The following PSMA5 variants were observed in gnomAD, a reference collection of about 807,000 sequenced individuals.
PSMA5 encodes the protein proteasome subunit alpha type-5.
In PSMA5, 3 loss-of-function variants were observed where a neutral mutation model predicts 34.5. The ratio of observed to expected loss-of-function variants is 0.09; its 90% CI spans 0.04 to 0.22. The LOEUF (loss-of-function observed/expected upper bound fraction) is 0.22, where lower values mean the gene tolerates loss of function less well. Ranked by LOEUF, PSMA5 falls within the 10% of genes least tolerant of loss-of-function variation. The pLI is 1.00. For missense variants in PSMA5, 120 were observed against 286.1 expected (o/e 0.42, Z 4.19); for synonymous variants, 88 against 95.8 (o/e 0.92, Z 0.47).
intron 2 of PSMA5, among the ~76,000 whole-genome samples, chr1:109,421,170 G>T (rs1654425985): frequency 6.6e-6 from 1 of 152,188 alleles, no homozygotes; most frequent in Non-Finnish European, 1.5e-5. Context: ...ATGGGTGACA[G>T]AGTGAGACCC....
In PSMA5 at chr1:109,426,368, C is replaced by T; in HGVS notation, c.-38G>A. 1 of 1,612,866 alleles carries T rather than the reference C, an allele frequency of 6.2e-7. No individual in the cohort carries two copies. Among genetic ancestry groups the T allele is most frequent in the Non-Finnish European group, 8.5e-7 (1 of 1,178,994 alleles). ...AGGAGGCAGCGGCTACGCGGGGATT[C>T]TGAGGACCAACACGACTCCACCGGC... On this transcript the variant is annotated 5_prime_UTR_variant, in exon 1 of 9. Coordinates refer to ENST00000271308, the MANE Select transcript of PSMA5 (RefSeq NM_002790.4).
intron 1 of PSMA5, chr1:109,425,740 T>C (rs1654629220): frequency 6.5e-6 from 1 of 152,832 alleles, no homozygotes; most frequent in Non-Finnish European, 1.5e-5. Flanking sequence ...AGAAAAAATT[T>C]TGGTCAATTG....
At chr1:109,423,403 C>T (rs1447809642) in intron 1 of PSMA5, among the ~76,000 whole-genome samples, 3 of 152,242 alleles carry the variant, frequency 2.0e-5, no homozygotes, top group Non-Finnish European at 4.4e-5. Context: ...GGTGCCACTA[C>T]ACTCCAGCCT....
At chr1:109,404,767 C>T (rs1354163356) in intron 8 of PSMA5, among the ~76,000 whole-genome samples, 1 of 152,166 alleles carries the variant, frequency 6.6e-6, no homozygotes, top group African/African-American at 2.4e-5. Context: ...TAATTAATTA[C>T]TAAGCACCTG....
Position 109,420,993 on chromosome 1 carries a change from C to T in PSMA5, c.96+867G>A, listed in dbSNP as rs181891105. Among the ~76,000 whole-genome samples the T allele has an allele frequency of 2.5e-3, 304 of 122,508 alleles. 4 individuals are homozygous for T. Among genetic ancestry groups the T allele is most frequent in the African/African-American group, 9.4e-3 (293 of 31,012 alleles). The allele number at this position is 122,508 out of a possible 152,430, so 80.4% of individuals were successfully genotyped here. ...CCCAGGAGTTTGAGACCAACTTGGG[C>T]AACATAGCAAGACCACATCTCTACC... On this transcript the variant is annotated intron_variant, in intron 2 of 8. Coordinates refer to ENST00000271308, the MANE Select transcript of PSMA5 (RefSeq NM_002790.4).
intron 8 of PSMA5, 136 bp downstream of exon 8, chr1:109,409,792 T>C: frequency 1.6e-6 from 1 of 617,922 alleles, no homozygotes; most frequent in Non-Finnish European, 2.9e-6. Flanking sequence ...TGTGCACCTG[T>C]AGTCCCAGCT....
At chr1:109,406,848 G>A (rs187862387) in intron 8 of PSMA5, among the ~76,000 whole-genome samples, 1 of 152,228 alleles carries the variant, frequency 6.6e-6, no homozygotes, top group East Asian at 1.9e-4. Context: ...AACATCCGCT[G>A]AATTGTAAAC....
At chr1:109,419,882 G>A (rs1654371164) in intron 2 of PSMA5, among the ~76,000 whole-genome samples, 1 of 151,464 alleles carries the variant, frequency 6.6e-6, no homozygotes, top group South Asian at 2.1e-4. Context: ...GCTGAGGCGG[G>A]AGGATCACTT....
At chr1:109,425,994 C>A in intron 1 of PSMA5, 1 of 539,934 alleles carries the variant, frequency 1.9e-6, no homozygotes. Context: ...AAAGAGTGAC[C>A]CTTGGCCTTC....
At chr1:109,419,532 C>T (rs530871435) in intron 2 of PSMA5, among the ~76,000 whole-genome samples, 424 of 152,108 alleles carry the variant, frequency 2.8e-3, no homozygotes, top group African/African-American at 9.7e-3. Flanking sequence ...AGGCCAGGCG[C>T]GGTGGCTCAC....
intron 2 of PSMA5, among the ~76,000 whole-genome samples, chr1:109,418,893 G>C (rs183629557): frequency 6.6e-6 from 1 of 152,314 alleles, no homozygotes; most frequent in African/African-American, 2.4e-5. Context: ...GGTGGCTCAT[G>C]CCTATAATCC....
chr1:109,421,187 T>C (rs1654426606), intron 2 of PSMA5, among the ~76,000 whole-genome samples: 1 of 152,016 alleles, frequency 6.6e-6, no homozygotes, highest in African/African-American at 2.4e-5. Context: ...ACCCTGTCTC[T>C]AAAAAACCAC....
At chr1:109,413,157 G>A in intron 3 of PSMA5, 22 bp from the exon 4 acceptor site, 1 of 1,610,164 alleles carries the variant, frequency 6.2e-7, no homozygotes, top group Non-Finnish European at 8.5e-7. Flanking sequence ...AAGCGACAGT[G>A]ACCCAGTGGC....
chr1:109,414,824 T>C (rs996727914), intron 3 of PSMA5: 1 of 157,042 alleles, frequency 6.4e-6, no homozygotes, highest in Non-Finnish European at 1.4e-5. Flanking sequence ...GTAATACTAT[T>C]ATACAATGAT....
intron 2 of PSMA5, among the ~76,000 whole-genome samples, chr1:109,421,354 C>A (rs1272519219): frequency 2.0e-5 from 3 of 150,922 alleles, no homozygotes; most frequent in African/African-American, 2.4e-5. Context: ...CCTGGTGGTA[C>A]TGGGAGGCTG....
At chr1:109,419,835 A>G (rs1423407415) in intron 2 of PSMA5, among the ~76,000 whole-genome samples, 1 of 148,206 alleles carries the variant, frequency 6.7e-6, no homozygotes, top group East Asian at 2.0e-4. Flanking sequence ...CAAGCCGCGC[A>G]TGGTTGTGCA....
At chr1:109,411,986 G>C in intron 5 of PSMA5, 51 bp from the exon 6 acceptor site, 1 of 1,587,702 alleles carries the variant, frequency 6.3e-7, no homozygotes, top group Admixed American at 1.7e-5. Flanking sequence ...AAAGTAAGGA[G>C]GTGAGAGGGG....
At chr1:109,420,900 C>T (rs942786414) in intron 2 of PSMA5, among the ~76,000 whole-genome samples, 2 of 151,816 alleles carry the variant, frequency 1.3e-5, no homozygotes, top group African/African-American at 2.4e-5. Context: ...CCAGTCCACG[C>T]CAGGTGTGGT....
At chr1:109,410,974 T>TA (rs374994486) in intron 7 of PSMA5, 37 bp downstream of exon 7, 483 of 1,451,380 alleles carry the variant, frequency 3.3e-4, no homozygotes, top group Non-Finnish European at 3.8e-4. Context: ...TATACCATGA[T>TA]AAAAAAATAG....
Sources: allele counts gnomAD v4.1 joint callset (sites outside exome capture counted in the v4.1 genomes callset), GRCh38; gene constraint gnomAD v4.1.1; transcripts MANE v1.5; gene names NCBI Gene and HGNC (gene_info 2026-07-23, HGNC 2026-07-21).